Variants in CABIN1 observed in about 807,000 individuals in gnomAD.
CABIN1 encodes calcineurin binding protein 1, also known as calcineurin-binding protein cabin-1.
Under a neutral mutation model 227.7 loss-of-function variants are expected in CABIN1, and 133 were observed. The observed-to-expected ratio is 0.58, with a 90% confidence interval of 0.51 to 0.67. CABIN1 has a LOEUF of 0.67. CABIN1 is among the 30% of genes least tolerant of loss of function. The pLI is 0.00. For synonymous variants in CABIN1, 1,086 were observed against 1,155.1 expected (o/e 0.94, Z 1.21); for missense variants, 2,408 against 2,852.5 (o/e 0.84, Z 3.55).
rs56070926 is a variant in CABIN1 at position 24,042,818 on chromosome 22, CTGTGTGTGTGTGTGTGTGTGTG to C, written c.346-48_346-27del. 7.0e-4 allele frequency: 482 copies of C among 687,240 alleles called. 2 individuals are homozygous for C. Among genetic ancestry groups the C allele is most frequent in the East Asian group, 7.7e-4 (17 of 21,968 alleles). The allele number at this position is 687,240 out of a possible 1,614,324, so 42.6% of individuals were successfully genotyped here. A position where few individuals can be genotyped will look rare whatever the true frequency, so the allele number is the denominator to read the frequency against. ...GGTGCATATTCAAGGAGAGATCTGA[CTGTGTGTGTGTGTGTGTGTGTG>C]TGTGTGTGTGTGTGTGTGTGTGTGT... On this transcript the variant is annotated intron_variant, in intron 5 of 36. Coordinates refer to ENST00000263119, the MANE Select transcript of CABIN1 (RefSeq NM_012295.4).
At chr22:24,027,563 C>G (rs534461743) in intron 1 of CABIN1, among the ~76,000 whole-genome samples, 2 of 152,210 alleles carry the variant, frequency 1.3e-5, no homozygotes, top group Admixed American at 6.5e-5. Flanking sequence ...ATCCCCGATG[C>G]AACAGTGTTG....
intron 26 of CABIN1, 110 bp from the exon 27 acceptor site, chr22:24,113,456 G>A: frequency 9.8e-7 from 1 of 1,025,478 alleles, no homozygotes; most frequent in Non-Finnish European, 1.5e-6. Flanking sequence ...GCCATCTCCT[G>A]CAAAGCAGTC....
chr22:24,089,517 C>G (rs2041399333), intron 23 of CABIN1, among the ~76,000 whole-genome samples: 1 of 152,154 alleles, frequency 6.6e-6, no homozygotes, highest in African/African-American at 2.4e-5. Flanking sequence ...GATGTCCCGA[C>G]AGGGAGGGAG....
chr22:24,045,006 A>G (rs915044755), intron 6 of CABIN1, among the ~76,000 whole-genome samples: 5 of 145,038 alleles, frequency 3.4e-5, no homozygotes, highest in Non-Finnish European at 7.5e-5. Context: ...CGCAAGGTCC[A>G]CCTCCCAGGT....
chr22:24,053,481 G>A (rs576322126), intron 8 of CABIN1, among the ~76,000 whole-genome samples: 2 of 151,908 alleles, frequency 1.3e-5, no homozygotes, highest in South Asian at 2.1e-4. Flanking sequence ...AGGTTCAAGC[G>A]ATTCTCCTGC....
intron 29 of CABIN1, among the ~76,000 whole-genome samples, chr22:24,152,827 G>C (rs574876181): frequency 6.6e-6 from 1 of 152,242 alleles, no homozygotes; most frequent in South Asian, 2.1e-4. Flanking sequence ...GTGTGTGCCT[G>C]TAATCCCAGC....
chr22:24,014,442 C>G (rs2035084925), intron 1 of CABIN1, among the ~76,000 whole-genome samples: 1 of 149,630 alleles, frequency 6.7e-6, no homozygotes, highest in Admixed American at 6.6e-5. Context: ...TTCCTTCAAG[C>G]ACTTACTTTA....
At chr22:24,036,439 T>G (rs1366287265) in intron 3 of CABIN1, among the ~76,000 whole-genome samples, 2 of 152,218 alleles carry the variant, frequency 1.3e-5, no homozygotes, top group Middle Eastern at 3.2e-3. Flanking sequence ...CCATTCTTTG[T>G]GCAGCCCTCA....
chr22:24,080,533 ATC>A (rs2040740158), intron 19 of CABIN1, among the ~76,000 whole-genome samples: 1 of 152,210 alleles, frequency 6.6e-6, no homozygotes, highest in African/African-American at 2.4e-5. Flanking sequence ...AATGTGGTAT[ATC>A]TCTCTGTTTA....
At chr22:24,158,291 G>A (rs2045956046) in intron 29 of CABIN1, among the ~76,000 whole-genome samples, 1 of 152,202 alleles carries the variant, frequency 6.6e-6, no homozygotes, top group African/African-American at 2.4e-5. Context: ...CTGCTTCCTG[G>A]AGACCAGCCT....
rs752716486 is a variant in CABIN1, at chr22:24,062,992, A to G, written c.1730A>G (p.Asn577Ser). 201 of 1,614,068 alleles carry G rather than the reference A, an allele frequency of 1.2e-4. No homozygotes were observed. Among genetic ancestry groups the G allele is most frequent in the Non-Finnish European group, 1.6e-4 (184 of 1,180,040 alleles). The stretch of plus-strand genomic sequence containing the variant: ...CGGAACTGCCCTGCTGGTATGGTGA[A>G]TGGCAGATTTGGACCTGACTTCCCA... ...SPRNCPAGMV[N>S]GRFGPDFPGT... The change falls in exon 14 of 37, where the codon AAT becomes AGT. Residue 577 changes from asparagine to serine, a missense_variant. Physicochemically the swap from Asn to Ser is conservative, Grantham distance 46. Coordinates refer to ENST00000263119, the MANE Select transcript of CABIN1 (RefSeq NM_012295.4).
chr22:24,140,339 G>A (rs948766567), intron 29 of CABIN1, among the ~76,000 whole-genome samples: 3 of 152,200 alleles, frequency 2.0e-5, no homozygotes, highest in African/African-American at 7.2e-5. Flanking sequence ...GAGGAGTGAA[G>A]ATGGCATGTC....
intron 32 of CABIN1, among the ~76,000 whole-genome samples, chr22:24,168,092 A>T (rs973052227): frequency 3.3e-5 from 5 of 152,230 alleles, no homozygotes; most frequent in Admixed American, 6.5e-5. Context: ...GCTTGTGAGG[A>T]TGTAAGTAAC....
In CABIN1 at chr22:24,084,582, G is replaced by A. The variant is rs750333151; in HGVS notation, c.2914G>A (p.Asp972Asn). 1.7e-5 allele frequency: 28 copies of A among 1,613,254 alleles called. No homozygotes were observed. Among genetic ancestry groups the A allele is most frequent in the Non-Finnish European group, 2.3e-5 (27 of 1,179,534 alleles). The change falls in exon 21 of 37, where the codon GAT becomes AAT. Residue 972 changes from aspartate to asparagine, a missense_variant. Physicochemically the swap from Asp to Asn is conservative, Grantham distance 23. Transcript: ENST00000263119. ...YLEEHSAQQV[D>N]LIWEDALFMF... ...TGCCTTCTGTCTTTTTTTCAAGGTGGATCTTATATGGGAGGATGCACTGTT... is the reference window on the plus strand; with the variant it reads ...TGCCTTCTGTCTTTTTTTCAAGGTGAATCTTATATGGGAGGATGCACTGTT...
chr22:24,056,270 A>G lies in CABIN1; in HGVS notation c.1172A>G (p.Lys391Arg). 6.2e-7 allele frequency: 1 copy of G among 1,614,078 alleles called. No homozygotes were observed. Among genetic ancestry groups the G allele is most frequent in the Non-Finnish European group, 8.5e-7 (1 of 1,179,956 alleles). ...KISEESGETA[K>R]RRSARVRNTK... ...TCAGAAGAGAGTGGAGAAACAGCAAAGCGGCGGTCTGCCCGTGTCCGAAAC... is the reference window on the plus strand; with the variant it reads ...TCAGAAGAGAGTGGAGAAACAGCAAGGCGGCGGTCTGCCCGTGTCCGAAAC... The change falls in exon 10 of 37, where the codon AAG becomes AGG. Residue 391 changes from lysine (K) to arginine (R), a missense_variant. By Grantham distance (26) the Lys-to-Arg change is conservative (BLOSUM62 2). Transcript: ENST00000263119.
At chr22:24,104,664 C>T (rs1211650152) in intron 26 of CABIN1, among the ~76,000 whole-genome samples, 1 of 152,222 alleles carries the variant, frequency 6.6e-6, no homozygotes, top group African/African-American at 2.4e-5. Flanking sequence ...GGCATCCATC[C>T]AGTCTTCTCA....
At position 24,084,701 on chromosome 22, in the gene CABIN1, A is replaced by C; in HGVS notation, c.3033A>C (p.Arg1011Ser). ...CTGACTTGGCCAACCTACTGAAGAG[A>C]ATTGCCACCATTGTGCCTCGCACAG... ...VSADLANLLK[R>S]IATIVPRTER... Residue 1011 changes from arginine (R) to serine (S), a missense_variant, in exon 21 of 37, where the codon AGA (arginine) becomes AGC (serine). Around this residue, in one of 3 missense-constraint regions of CABIN1, gnomAD observed 649 missense variants for 910.3 expected, o/e 0.71. Transcript: ENST00000263119. 1 of 1,614,120 alleles carries C rather than the reference A, an allele frequency of 6.2e-7. No individual in the cohort carries two copies. Among genetic ancestry groups the C allele is most frequent in the Non-Finnish European group, 8.5e-7 (1 of 1,180,028 alleles).
At chr22:24,095,113 T>A (rs1424709810) in intron 24 of CABIN1, among the ~76,000 whole-genome samples, 1 of 152,238 alleles carries the variant, frequency 6.6e-6, no homozygotes, top group East Asian at 1.9e-4. Context: ...GAGACCCCTC[T>A]GTCTGGGATG....
rs1387107992 is a variant in CABIN1, at chr22:24,076,270, C to G, written c.2734C>G (p.Leu912Val). ...RSWCCNSDGA[L>V]LRFYVRVLQK... ...CTGGTGCTGCAATTCAGATGGGGCT[C>G]TGCTGCGATTCTATGTAAGTGCTTC... Residue 912 changes from leucine (L) to valine (V), a missense_variant, in exon 19 of 37, where the codon CTG becomes GTG. Around this residue, in one of 3 missense-constraint regions of CABIN1, gnomAD observed 1,045 missense variants for 1,168.4 expected, o/e 0.89. Coordinates refer to ENST00000263119, the MANE Select transcript of CABIN1 (RefSeq NM_012295.4). 2.5e-6 allele frequency: 4 copies of G among 1,613,912 alleles called. No homozygotes were observed. The highest frequency in any genetic ancestry group is 2.5e-6 in the Non-Finnish European group (3 of 1,179,802).
Sources: allele counts gnomAD v4.1 joint callset (sites outside exome capture counted in the v4.1 genomes callset), GRCh38; gene constraint gnomAD v4.1.1; regional missense constraint gnomAD v4.1.1; transcripts MANE v1.5; gene names NCBI Gene and HGNC (gene_info 2026-07-23, HGNC 2026-07-21).